PTPN21: variants seen among roughly 807,000 people sequenced by gnomAD.
PTPN21 encodes protein tyrosine phosphatase non-receptor type 21.
A neutral mutation model predicts 131.8 loss-of-function variants in PTPN21; 77 were observed. The ratio of observed to expected loss-of-function variants is 0.58; its 90% CI spans 0.49 to 0.71. The LOEUF (loss-of-function observed/expected upper bound fraction) is 0.71. Ranked by LOEUF, PTPN21 falls within the 30% of genes least tolerant of loss-of-function variation. The pLI, the probability that PTPN21 is intolerant of heterozygous loss-of-function variation, is 0.00. For synonymous variants in PTPN21, 715 were observed against 621.3 expected, an observed-to-expected ratio of 1.15 and a Z score of -2.24; for missense variants, 1,552 against 1,527.1, an observed-to-expected ratio of 1.02 and a Z score of -0.27.
intron 2 of PTPN21, among the ~76,000 whole-genome samples, chr14:88,529,473 C>A (rs1463629638): frequency 6.6e-6 from 1 of 151,772 alleles, no homozygotes; most frequent in Non-Finnish European, 1.5e-5. Flanking sequence ...TGTTAAATGA[C>A]CAAACATAAG....
chr14:88,478,896 G>C (rs376673588), intron 13 of PTPN21, 24 bp downstream of exon 13: 2 of 1,435,972 alleles, frequency 1.4e-6, no homozygotes, highest in Admixed American at 5.2e-5. Flanking sequence ...CCCCTGGCCC[G>C]GCACTGCTCG....
At position 88,469,845 on chromosome 14, in the gene PTPN21, A is replaced by G. The variant is rs145187915; in HGVS notation, c.3000+77T>C. ...AACCCTACCCTGCCTTTTTCTCCAC[A>G]GGTCAGGATTCCAGATGATTAACAT... On this transcript the variant is annotated intron_variant, in intron 16 of 18. Coordinates refer to ENST00000556564, the MANE Select transcript of PTPN21 (RefSeq NM_007039.4). The surrounding 1 kb of genome is among the most constrained non-coding windows in gnomAD (Gnocchi z 4.3). 1.2e-6 allele frequency: 2 copies of G among 1,607,940 alleles called. No homozygotes were observed. Among genetic ancestry groups the G allele is most frequent in the Non-Finnish European group, 1.7e-6 (2 of 1,174,608 alleles).
chr14:88,479,322 G>A lies in PTPN21; in HGVS notation c.2109C>T (p.Asp703=). Residue 703 remains aspartate, a synonymous_variant, in exon 13 of 19, where the codon GAC becomes GAT. Coordinates refer to ENST00000556564, the MANE Select transcript of PTPN21 (RefSeq NM_007039.4). The part of the protein sequence containing the change: ...LRYGHKKSLS[D]ATMLIHSSEE... ...CGCTGCTGTGGATTAGCATGGTGGC[G>A]TCCGACAGGGACTTCTTATGGCCGT... The A allele has an allele frequency of 1.2e-6, 2 of 1,613,426 alleles. No individual in the cohort carries two copies. Among genetic ancestry groups the A allele is most frequent in the African/African-American group, 1.3e-5 (1 of 75,014 alleles).
chr14:88,532,914 C>T (rs566312792), intron 2 of PTPN21, among the ~76,000 whole-genome samples: 32 of 152,222 alleles, frequency 2.1e-4, no homozygotes, highest in Admixed American at 5.2e-4. Context: ...AATCACTGTT[C>T]CTAAAAGCAG....
At chr14:88,534,112 G>A (rs966579426) in intron 2 of PTPN21, among the ~76,000 whole-genome samples, 16 of 151,918 alleles carry the variant, frequency 1.1e-4, no homozygotes, top group Admixed American at 7.9e-4. Context: ...TGGCTCACAC[G>A]TGTAATCTCA....
At chr14:88,508,147 TG>T in intron 3 of PTPN21, 127 bp from the exon 4 acceptor site, 1 of 471,622 alleles carries the variant, frequency 2.1e-6, no homozygotes, top group Non-Finnish European at 3.6e-6. Flanking sequence ...CATGGTTGTG[TG>T]TGTTTTTTTT....
At chr14:88,541,513 G>C (rs1369737473) in intron 2 of PTPN21, among the ~76,000 whole-genome samples, 2 of 152,212 alleles carry the variant, frequency 1.3e-5, no homozygotes, top group Non-Finnish European at 2.9e-5. Flanking sequence ...AAGGAAGAAT[G>C]AATCATCCAT....
At chr14:88,518,386 G>GTATGTATATATATATA (rs2078327130) in intron 2 of PTPN21, among the ~76,000 whole-genome samples, 1 of 9,708 alleles carries the variant, frequency 1.0e-4, no homozygotes, top group Non-Finnish European at 2.2e-4. Flanking sequence ...GTGTGTGTGT[G>GTATGTATATATATATA]TATATATATA....
chr14:88,489,349 C>T (rs2077787320), intron 10 of PTPN21, among the ~76,000 whole-genome samples: 1 of 152,132 alleles, frequency 6.6e-6, no homozygotes, highest in African/African-American at 2.4e-5. Flanking sequence ...AGCTCATGCA[C>T]TAATAGATAG....
At chr14:88,506,575 G>T (rs566781730) in intron 4 of PTPN21, among the ~76,000 whole-genome samples, 1 of 152,230 alleles carries the variant, frequency 6.6e-6, no homozygotes, top group Admixed American at 6.5e-5. Flanking sequence ...ACCGCACCCA[G>T]CCATCTTTAT....
At chr14:88,486,876 TGA>T (rs1426835558) in intron 10 of PTPN21, among the ~76,000 whole-genome samples, 1 of 150,086 alleles carries the variant, frequency 6.7e-6, no homozygotes. Context: ...CTCGGGAGTC[TGA>T]GGCAGGGGAG....
At chr14:88,554,519 G>C (rs2139374909) in intron 1 of PTPN21, 132 bp downstream of exon 1, 1 of 152,110 alleles carries the variant, frequency 6.6e-6, no homozygotes, top group South Asian at 2.1e-4. Flanking sequence ...TCCCGCTACG[G>C]GTCTGGCCGC....
At chr14:88,513,877 G>A (rs1161567044) in intron 3 of PTPN21, 1 of 152,172 alleles carries the variant, frequency 6.6e-6, no homozygotes, top group Non-Finnish European at 1.5e-5. Context: ...CCAGAAGTCT[G>A]ATACCAATCT....
At chr14:88,541,316 ATTTG>A (rs1469177620) in intron 2 of PTPN21, among the ~76,000 whole-genome samples, 3 of 152,238 alleles carry the variant, frequency 2.0e-5, no homozygotes, top group Non-Finnish European at 4.4e-5. Flanking sequence ...TCTAAGTGAC[ATTTG>A]TTTATGAACA....
intron 10 of PTPN21, among the ~76,000 whole-genome samples, chr14:88,493,443 T>C (rs2140119488): frequency 6.6e-6 from 1 of 152,280 alleles, no homozygotes; most frequent in East Asian, 1.9e-4. Context: ...TAAGGAAAGA[T>C]GCCTTCCTGG....
At chr14:88,473,392 A>T (rs1343359125) in intron 14 of PTPN21, among the ~76,000 whole-genome samples, 2 of 152,158 alleles carry the variant, frequency 1.3e-5, no homozygotes, top group Non-Finnish European at 2.9e-5. Flanking sequence ...CTTTAAGGCC[A>T]TCAAAATCAA....
At chr14:88,534,854 G>A (rs2078606688) in intron 2 of PTPN21, among the ~76,000 whole-genome samples, 1 of 152,104 alleles carries the variant, frequency 6.6e-6, no homozygotes, top group South Asian at 2.1e-4. Context: ...TCCAACCTGG[G>A]CAACAGAGTG....
chr14:88,496,653 A>G (rs2077921914), intron 9 of PTPN21, among the ~76,000 whole-genome samples, 161 bp from the exon 10 acceptor site: 1 of 152,250 alleles, frequency 6.6e-6, no homozygotes, highest in African/African-American at 2.4e-5. Context: ...CCATGGTATG[A>G]ATACCACAAG....
At chr14:88,530,906 A>G (rs548404576) in intron 2 of PTPN21, among the ~76,000 whole-genome samples, 124 of 152,308 alleles carry the variant, frequency 8.1e-4, no homozygotes, top group Non-Finnish European at 1.5e-3. Context: ...CAAAGAAACA[A>G]TGGACTTAAA....
Sources: gnomAD v4.1 joint callset for allele counts (sites outside exome capture counted in the v4.1 genomes callset) on GRCh38, gnomAD v4.1.1 for gene constraint, Gnocchi (gnomAD v3.1) non-coding constraint, MANE v1.5 for transcripts, NCBI Gene and HGNC (gene_info 2026-07-23, HGNC 2026-07-21) for gene names.